ATP12A: variants seen among roughly 807,000 people sequenced by gnomAD.
ATP12A encodes ATPase H+/K+ transporting non-gastric alpha2 subunit, also known as potassium-transporting ATPase alpha chain 2.
In ATP12A, 81 loss-of-function variants were observed where a neutral mutation model predicts 111.2. The ratio of observed to expected loss-of-function variants is 0.73; its 90% confidence interval spans 0.61 to 0.88. ATP12A has a LOEUF of 0.88. ATP12A is among the 40% of genes least tolerant of loss of function. The pLI, the probability that ATP12A is intolerant of heterozygous loss-of-function variation, is 0.00. For missense variants in ATP12A, 1,196 were observed against 1,313.1 expected, an observed-to-expected ratio of 0.91 and a Z score of 1.38; for synonymous variants, 498 against 499.8, an observed-to-expected ratio of 1.00 and a Z score of 0.05.
intron 14 of ATP12A, among the ~76,000 whole-genome samples, chr13:24,702,292 G>A (rs1387771416): frequency 6.6e-6 from 1 of 152,230 alleles, no homozygotes; most frequent in Non-Finnish European, 1.5e-5. Flanking sequence ...CCCTTTATGT[G>A]TTCCTTGTTT....
At chr13:24,703,920 AGCCTCC>A in intron 14 of ATP12A, among the ~76,000 whole-genome samples, 4 of 149,216 alleles carry the variant, frequency 2.7e-5, no homozygotes, top group African/African-American at 1.0e-4. Flanking sequence ...ATCTCATTGC[AGCCTCC>A]ACCTCCTGGG....
rs1255194754 is a variant in ATP12A at position 24,711,866 on chromosome 13, C to T, written c.*344C>T. The stretch of plus-strand genomic sequence containing the variant: ...GGCATCTACTGGGGCCTGCCTTAAG[C>T]TCTAGCTAGGATTGCTCAGAACTCC... On this transcript the variant is annotated 3_prime_UTR_variant, in exon 23 of 23. Coordinates refer to ENST00000381946, the MANE Select transcript of ATP12A (RefSeq NM_001676.7). 1 of 368,058 alleles carries T rather than the reference C, an allele frequency of 2.7e-6. No homozygotes were observed. Among genetic ancestry groups the T allele is most frequent in the Non-Finnish European group, 5.1e-6 (1 of 196,726 alleles). The allele number at this position is 368,058 out of a possible 1,614,324, so 22.8% of individuals were successfully genotyped here. A position where few individuals can be genotyped will look rare whatever the true frequency, so the allele number is the denominator to read the frequency against.
At chr13:24,683,839 A>T (rs2137687869) in intron 2 of ATP12A, among the ~76,000 whole-genome samples, 1 of 152,344 alleles carries the variant, frequency 6.6e-6, no homozygotes, top group African/African-American at 2.4e-5. Context: ...GATTGAAGAC[A>T]TATCTGTTTT....
chr13:24,712,453 A>C lies in ATP12A; in HGVS notation c.*931A>C, dbSNP rs955764054. 6.6e-5 allele frequency: 10 copies of C among 152,164 alleles called. No homozygotes were observed. Among genetic ancestry groups the C allele is most frequent in the African/African-American group, 2.4e-4 (10 of 41,446 alleles). The allele number at this position is 152,164 out of a possible 1,614,324, so 9.4% of individuals were successfully genotyped here. A position where few individuals can be genotyped will look rare whatever the true frequency, so the allele number is the denominator to read the frequency against. On this transcript the variant is annotated 3_prime_UTR_variant, in exon 23 of 23. Coordinates refer to ENST00000381946, the MANE Select transcript of ATP12A (RefSeq NM_001676.7). ...CCCGGAAAGGCCTCATTTTTAACTA[A>C]AAGATGTTTTATAAACCCAGGTTTA... is the stretch of plus-strand genomic sequence containing the variant.
chr13:24,694,772 A>T (rs1202151609), intron 11 of ATP12A, among the ~76,000 whole-genome samples, 194 bp downstream of exon 11: 1 of 152,110 alleles, frequency 6.6e-6, no homozygotes. Context: ...GAAGCAGGGC[A>T]GAGAAAGAAA....
chr13:24,686,687 G>A (rs563502992), intron 3 of ATP12A, among the ~76,000 whole-genome samples: 2 of 151,576 alleles, frequency 1.3e-5, no homozygotes, highest in East Asian at 1.9e-4. Context: ...TGCAGTGAGC[G>A]GAGATCGCGC....
chr13:24,690,640 C>T lies in ATP12A; in HGVS notation c.718C>T (p.Gln240Ter). Residue 240 changes from glutamine (Q) to a stop codon, truncating the protein, a stop_gained, in exon 7 of 23, where the codon CAG becomes TAG. Coordinates refer to ENST00000381946, the MANE Select transcript of ATP12A (RefSeq NM_001676.7). LOFTEE classifies it high-confidence loss of function. ...ATCTCTCACGGGGGAGTCTGAGCCC[C>T]AGCCCCGCTCCTCTGAGTTTACCCA... ...NSSLTGESEP[Q>*]PRSSEFTHEN... 6.2e-7 allele frequency: 1 copy of T among 1,613,606 alleles called. No individual in the cohort carries two copies. Among genetic ancestry groups the T allele is most frequent in the Non-Finnish European group, 8.5e-7 (1 of 1,179,844 alleles).
chr13:24,688,444 C>T lies in ATP12A; in HGVS notation c.354C>T (p.Leu118=). 3 of 1,614,074 alleles carry T rather than the reference C, an allele frequency of 1.9e-6. No homozygotes were observed. Among genetic ancestry groups the T allele is most frequent in the Non-Finnish European group, 2.5e-6 (3 of 1,180,000 alleles). The change falls in exon 4 of 23, where the codon CTC becomes CTT. Residue 118 remains leucine (L), a synonymous_variant. Coordinates refer to ENST00000381946, the MANE Select transcript of ATP12A (RefSeq NM_001676.7). ...AGATGGTGGGGGGGTTCTCTATCCT[C>T]CTGTGGGTGGGCGCCTTTCTCTGTT... ...LKQMVGGFSI[L]LWVGAFLCWI...
chr13:24,692,261 G>T lies in ATP12A; in HGVS notation c.1069-168G>T, dbSNP rs184726915. On this transcript the variant is annotated intron_variant, in intron 8 of 22. Coordinates refer to ENST00000381946, the MANE Select transcript of ATP12A (RefSeq NM_001676.7). ...TGTGGCATAGAGGGCTCTTGGCGGC[G>T]TATAAGCCACCAGGTCAGCTTAGCT... Among the ~76,000 whole-genome samples, 53 of 150,956 alleles carry T rather than the reference G, an allele frequency of 3.5e-4. No homozygotes were observed. The East Asian group carries it at 0.01, about 29-fold the overall frequency.
At chr13:24,708,950 A>AAAGGAAGG (rs1555255702) in intron 17 of ATP12A, among the ~76,000 whole-genome samples, 17 of 131,574 alleles carry the variant, frequency 1.3e-4, no homozygotes, top group African/African-American at 4.9e-4. Context: ...AGAAAGAAAG[A>AAAGGAAGG]AAGAAAGAAA....
At chr13:24,686,437 T>C (rs1874666755) in intron 3 of ATP12A, among the ~76,000 whole-genome samples, 1 of 72,132 alleles carries the variant, frequency 1.4e-5, no homozygotes. Flanking sequence ...CAAAACTCCA[T>C]CTCAAAAAAA....
intron 8 of ATP12A, 93 bp downstream of exon 8, chr13:24,691,343 G>A (rs531742558): frequency 1.0e-5 from 15 of 1,442,282 alleles, no homozygotes; most frequent in Non-Finnish European, 1.4e-5. Context: ...TCTCCCCCAA[G>A]TCCAGAGCAC....
chr13:24,700,909 G>T lies in ATP12A; in HGVS notation c.1868G>T (p.Ser623Ile). Residue 623 changes from serine (S) to isoleucine (I), a missense_variant, in exon 13 of 23, where the codon AGT becomes ATT. Coordinates refer to ENST00000381946, the MANE Select transcript of ATP12A (RefSeq NM_001676.7). ...CCAGATGCAGTCACCAAATGCCGGAGTGCAGGGATCAAGGTGGGAGTTATT... is the reference window on the plus strand; with the variant it reads ...CCAGATGCAGTCACCAAATGCCGGATTGCAGGGATCAAGGTGGGAGTTATT... ...TVPDAVTKCR[S>I]AGIKVIMVTG... 6.2e-7 allele frequency: 1 copy of T among 1,614,102 alleles called. No individual in the cohort carries two copies. The highest frequency in any genetic ancestry group is 8.5e-7 in the Non-Finnish European group (1 of 1,179,982).
intron 14 of ATP12A, among the ~76,000 whole-genome samples, chr13:24,702,280 G>T (rs780356599): frequency 2.6e-5 from 4 of 152,224 alleles, no homozygotes; most frequent in Non-Finnish European, 5.9e-5. Context: ...ACCATGAAAT[G>T]ACCCTTTATG....
In ATP12A at chr13:24,707,159, A is replaced by G. The variant is rs752493600; in HGVS notation, c.2306A>G (p.Asn769Ser). 14 of 1,614,118 alleles carry G rather than the reference A, an allele frequency of 8.7e-6. No individual in the cohort carries two copies. Among genetic ancestry groups the G allele is most frequent in the Non-Finnish European group, 1.2e-5 (14 of 1,179,966 alleles). The change falls in exon 16 of 23, where the codon AAC becomes AGC. Residue 769 changes from asparagine to serine, a missense_variant. By Grantham distance (46) the Asn-to-Ser change is conservative. Around this residue, in one of 3 missense-constraint regions of ATP12A, gnomAD observed 1,126 missense variants for 1,228.5 expected, o/e 0.92. Transcript: ENST00000381946. The part of the protein sequence containing the change: ...NAADMVLLDD[N>S]FASIVTGVEE... Reference sequence around the variant, plus strand: ...GCCGACATGGTCTTGCTGGACGACAACTTCGCATCCATCGTCACAGGGGTG... The same window carrying G: ...GCCGACATGGTCTTGCTGGACGACAGCTTCGCATCCATCGTCACAGGGGTG...
chr13:24,702,631 T>C (rs1875445994), intron 14 of ATP12A, among the ~76,000 whole-genome samples: 2 of 152,236 alleles, frequency 1.3e-5, no homozygotes, highest in Admixed American at 6.5e-5. Context: ...TTTAATCATG[T>C]TCATCCAACT....
chr13:24,711,514 T>C lies in ATP12A; in HGVS notation c.3112T>C (p.Tyr1038His). 2 of 1,614,192 alleles carry C rather than the reference T, an allele frequency of 1.2e-6. No homozygotes were observed. Among genetic ancestry groups the C allele is most frequent in the South Asian group, 1.1e-5 (1 of 91,086 alleles). ...TACAGGCTGGTGGGATAAGAACATG[T>C]ATTATTAAGACCACCTCCCTTCCTA... Reference protein sequence around the residue: ...YPGSWWDKNMYY With the variant: ...YPGSWWDKNMHY Residue 1038 changes from tyrosine to histidine, a missense_variant, in exon 23 of 23, where the codon TAT becomes CAT. By Grantham distance (83) the Tyr-to-His change is moderately conservative (BLOSUM62 2). Coordinates refer to ENST00000381946, the MANE Select transcript of ATP12A (RefSeq NM_001676.7).
At chr13:24,680,781 A>T in intron 1 of ATP12A, 29 bp downstream of exon 1, 1 of 1,481,828 alleles carries the variant, frequency 6.7e-7, no homozygotes, top group South Asian at 1.3e-5. Context: ...CCGGCCGAGG[A>T]TGCGAGACGC....
Position 24,711,924 on chromosome 13 carries a change from C to T in ATP12A, c.*402C>T, listed in dbSNP as rs905298976. ...ACCCTATTAAAGGCCCCATGACCTC[C>T]CTAAGATTTCTGCAGATCCCCTGAG... On this transcript the variant is annotated 3_prime_UTR_variant, in exon 23 of 23. Transcript: ENST00000381946. 4.4e-6 allele frequency: 1 copy of T among 229,578 alleles called. No individual in the cohort carries two copies. Among genetic ancestry groups the T allele is most frequent in the Non-Finnish European group, 8.6e-6 (1 of 116,252 alleles). 14.2% of individuals were successfully genotyped at this position (229,578 alleles called of 1,614,324 possible). A position where few individuals can be genotyped will look rare whatever the true frequency, so the allele number is the denominator to read the frequency against.
Sources: gnomAD v4.1 joint callset for allele counts (sites outside exome capture counted in the v4.1 genomes callset) on GRCh38, gnomAD v4.1.1 for gene constraint, gnomAD v4.1.1 regional missense constraint, MANE v1.5 for transcripts, NCBI Gene and HGNC (gene_info 2026-07-23, HGNC 2026-07-21) for gene names.